Variants in POLR1C observed in about 807,000 individuals in gnomAD.
The protein encoded by POLR1C is RNA polymerase I and III subunit C.
A neutral mutation model predicts 38.3 loss-of-function variants in POLR1C; 42 were observed. The ratio of observed to expected loss-of-function variants is 1.10; its 90% CI spans 0.86 to 1.42. POLR1C has a LOEUF of 1.42. POLR1C is among the 40% of genes most tolerant of loss of function. The pLI is 0.00. For missense variants in POLR1C, 507 were observed against 450.5 expected (o/e 1.13, Z -1.14); for synonymous variants, 163 against 163.9 (o/e 0.99, Z 0.04).
At position 43,536,525 on chromosome 6, in the gene POLR1C, G is replaced by C. The variant is rs1013911837; in HGVS notation, c.*4+7166G>C. On this transcript the variant is annotated intron_variant, in intron 9 of 10. Coordinates refer to the POLR1C transcript ENST00000607635. ...TGTAATCCCAGCACTTTAGGAAGCC[G>C]AGGTGGGTGGATCACGAGGTCAGGA... is the stretch of plus-strand genomic sequence containing the variant. Among the ~76,000 whole-genome samples the C allele has an allele frequency of 2.0e-5, 3 of 151,620 alleles. No individual in the cohort carries two copies. In the South Asian group the frequency reaches 6.3e-4, roughly 32 times the overall value.
At position 43,517,170 on chromosome 6, in the gene POLR1C, G is replaced by T; in HGVS notation, c.61G>T (p.Val21Phe). The T allele has an allele frequency of 6.2e-7, 1 of 1,614,154 alleles. No homozygotes were observed. The highest frequency in any genetic ancestry group is 8.5e-7 in the Non-Finnish European group (1 of 1,180,012). Reference sequence around the variant, plus strand: ...CCGCGTGGTTCTGGGGGAGTTTGGGGTTCGCAATGTAAGCCTTGTGGCCTT... The same window carrying T: ...CCGCGTGGTTCTGGGGGAGTTTGGGTTTCGCAATGTAAGCCTTGTGGCCTT... ...RSRVVLGEFG[V>F]RNVHTTDFPG... Residue 21 changes from valine to phenylalanine, a missense_variant, in exon 1 of 9, where the codon GTT becomes TTT. Transcript: ENST00000642195.
At chr6:43,530,382 C>G (rs1338671881), downstream of POLR1C, among the ~76,000 whole-genome samples, 2 of 151,868 alleles carry the variant, frequency 1.3e-5, no homozygotes, top group Non-Finnish European at 2.9e-5. Context: ...GATCATACCA[C>G]TGCACTCCAG....
intron 10 of POLR1C, chr6:43,555,989 A>AG (rs1165457081): frequency 3.1e-6 from 5 of 1,612,322 alleles, no homozygotes; most frequent in Middle Eastern, 3.3e-4. Flanking sequence ...TGCCAAGGGA[A>AG]GGACAGGAAT....
At chr6:43,559,793 G>A (rs959925299) in intron 10 of POLR1C, among the ~76,000 whole-genome samples, 1 of 152,100 alleles carries the variant, frequency 6.6e-6, no homozygotes, top group African/African-American at 2.4e-5. Flanking sequence ...ATGAAGAAGG[G>A]CTGTTAATAA....
In POLR1C at chr6:43,520,150, C is replaced by T; in HGVS notation, c.467C>T (p.Ser156Phe). 1 of 1,614,174 alleles carries T rather than the reference C, an allele frequency of 6.2e-7. No homozygotes were observed. ...CTRNPHAAKDSSDPNELYVNH... is the reference protein window; with the variant it reads ...CTRNPHAAKDFSDPNELYVNH... ...CGGAACCCCCATGCTGCTAAAGATT[C>T]CTCTGACCCCAACGAACTGTACGTG... Residue 156 changes from serine to phenylalanine, a missense_variant, in exon 5 of 9, where the codon TCC becomes TTC. Transcript: ENST00000642195.
At chr6:43,542,078 C>T (rs964890903) in intron 9 of POLR1C, among the ~76,000 whole-genome samples, 1 of 152,112 alleles carries the variant, frequency 6.6e-6, no homozygotes, top group Non-Finnish European at 1.5e-5. Flanking sequence ...CCACCGCACC[C>T]GGCCGATTTT....
chr6:43,527,687 A>G (rs1419209256), intron 8 of POLR1C: 1 of 1,613,870 alleles, frequency 6.2e-7, no homozygotes, highest in East Asian at 2.2e-5. Flanking sequence ...CTCCTCCAGC[A>G]TCTCTTGAGA....
At position 43,521,511 on chromosome 6, in the gene POLR1C, A is replaced by C. The variant is rs773400048; in HGVS notation, c.*211A>C. 60 of 1,321,024 alleles carry C rather than the reference A, an allele frequency of 4.5e-5. No individual in the cohort carries two copies. The highest frequency in any genetic ancestry group is 5.8e-5 in the Non-Finnish European group (60 of 1,028,220). 81.8% of individuals were successfully genotyped at this position (1,321,024 alleles called of 1,614,324 possible). ...TGTAAATAAACTCACCCAAACAAAA[A>C]AACTTTTTGAGACTACTTTTGAGTT... On this transcript the variant is annotated 3_prime_UTR_variant, in exon 9 of 9. Transcript: ENST00000642195.
downstream of POLR1C, chr6:43,530,600 C>A: frequency 6.8e-7 from 1 of 1,461,102 alleles, no homozygotes; most frequent in Non-Finnish European, 9.3e-7. Flanking sequence ...TCCAGTTCTG[C>A]CTCTTCCCTC....
chr6:43,520,843 A>T (rs1793131469), intron 7 of POLR1C, 69 bp downstream of exon 7: 2 of 1,603,630 alleles, frequency 1.2e-6, no homozygotes, highest in African/African-American at 1.3e-5. Flanking sequence ...ACAGAAATAA[A>T]AACCCTGGGC....
In POLR1C at chr6:43,517,136, A is replaced by G; in HGVS notation, c.27A>G (p.Glu9=). The change falls in exon 1 of 9, where the codon GAA becomes GAG. Residue 9 remains glutamate (E), a synonymous_variant. Transcript: ENST00000642195. Reference sequence around the variant, plus strand: ...TGGCGGCTTCTCAGGCGGTGGAGGAAATGCGGAGCCGCGTGGTTCTGGGGG... The same window carrying G: ...TGGCGGCTTCTCAGGCGGTGGAGGAGATGCGGAGCCGCGTGGTTCTGGGGG... The part of the protein sequence containing the change: MAASQAVE[E]MRSRVVLGEF... The G allele has an allele frequency of 1.9e-6, 3 of 1,614,094 alleles. No homozygotes were observed. Among genetic ancestry groups the G allele is most frequent in the Non-Finnish European group, 2.5e-6 (3 of 1,179,990 alleles).
downstream of POLR1C, chr6:43,533,308 T>A (rs1794119658): frequency 1.3e-5 from 2 of 150,912 alleles, no homozygotes; most frequent in Admixed American, 6.6e-5. Context: ...TTAAAGGCCA[T>A]GATTTATTTA....
chr6:43,543,804 G>A (rs1003810083), intron 9 of POLR1C, among the ~76,000 whole-genome samples: 18 of 151,928 alleles, frequency 1.2e-4, no homozygotes, highest in Non-Finnish European at 1.0e-4. Context: ...AGCCTCCCGA[G>A]TAGCTGGGAT....
chr6:43,556,833 T>C (rs1762115189), intron 10 of POLR1C, among the ~76,000 whole-genome samples: 1 of 151,802 alleles, frequency 6.6e-6, no homozygotes, highest in African/African-American at 2.4e-5. Flanking sequence ...ATATTAGCAA[T>C]AAAAAGAAAT....
At chr6:43,543,861 G>C (rs1382145789) in intron 9 of POLR1C, among the ~76,000 whole-genome samples, 1 of 152,022 alleles carries the variant, frequency 6.6e-6, no homozygotes, top group Non-Finnish European at 1.5e-5. Context: ...ATTTTTAGTA[G>C]AGGTGGGGTT....
chr6:43,536,363 C>T (rs1017136861), intron 9 of POLR1C, among the ~76,000 whole-genome samples: 2 of 151,414 alleles, frequency 1.3e-5, no homozygotes, highest in Admixed American at 6.6e-5. Flanking sequence ...TGCAGTGAGC[C>T]GAGATTGTGC....
At chr6:43,550,432 G>A (rs1795172904) in intron 9 of POLR1C, among the ~76,000 whole-genome samples, 1 of 152,148 alleles carries the variant, frequency 6.6e-6, no homozygotes, top group Non-Finnish European at 1.5e-5. Context: ...TACTGGTCTT[G>A]TGACACAACA....
chr6:43,521,130 T>G (rs1793159805), intron 8 of POLR1C, 52 bp from the exon 9 acceptor site: 1 of 1,608,026 alleles, frequency 6.2e-7, no homozygotes, highest in South Asian at 1.1e-5. Flanking sequence ...AGTTTATGAG[T>G]AAGTTTTACA....
chr6:43,530,132 C>CTACA (rs1376143613), downstream of POLR1C, among the ~76,000 whole-genome samples: 1 of 152,162 alleles, frequency 6.6e-6, no homozygotes, highest in East Asian at 1.9e-4. Context: ...TAGCATGCGC[C>CTACA]TGTAATCCCA....
Sources: gnomAD v4.1 joint callset for allele counts (sites outside exome capture counted in the v4.1 genomes callset) on GRCh38, gnomAD v4.1.1 for gene constraint, MANE v1.5 for transcripts, NCBI Gene and HGNC (gene_info 2026-07-23, HGNC 2026-07-21) for gene names.